Variants in MACF1 observed in about 807,000 individuals in gnomAD.
MACF1 encodes microtubule actin crosslinking factor 1.
Under a neutral mutation model 854.8 loss-of-function variants are expected in MACF1, and 193 were observed. The ratio of observed to expected loss-of-function variants is 0.23; its 90% CI spans 0.20 to 0.25. The LOEUF (loss-of-function observed/expected upper bound fraction) is 0.25, where lower values mean the gene tolerates loss of function less well. Among genes scored for constraint, MACF1 ranks in the 10% least tolerant of loss-of-function variants. MACF1 has a pLI of 1.00. For synonymous variants in MACF1, 3,185 were observed against 3,226.7 expected, an observed-to-expected ratio of 0.99 and a Z score of 0.44; for missense variants, 7,722 against 8,929.1, an observed-to-expected ratio of 0.86 and a Z score of 5.45.
intron 2 of MACF1, among the ~76,000 whole-genome samples, chr1:39,249,219 A>G (rs1054272697): frequency 6.6e-6 from 1 of 152,202 alleles, no homozygotes; most frequent in Non-Finnish European, 1.5e-5. Context: ...GATTAAATAA[A>G]TAGAATGAGA....
At chr1:39,448,887 C>A in intron 84 of MACF1, 124 bp downstream of exon 84, 2 of 605,004 alleles carry the variant, frequency 3.3e-6, no homozygotes, top group Non-Finnish European at 5.4e-6. Flanking sequence ...ATCTTAACAC[C>A]ACCAGTTAGT....
chr1:39,084,902 T>C lies in MACF1; in HGVS notation c.220+464T>C, dbSNP rs75028003. 0.018 allele frequency among the ~76,000 whole-genome samples: 2,753 copies of C among 152,316 alleles called. 94 individuals carry two copies. The highest frequency in any genetic ancestry group is 0.063 in the African/African-American group (2,609 of 41,560). ...ATATTAGACAATGCTGCTGAGAACA[T>C]GGTTAAGAATGATTTGACTTCTGTT... On this transcript the variant is annotated intron_variant, in intron 2 of 93. Coordinates refer to the MACF1 transcript ENST00000361689. This position sits in a 1 kb window ranked among gnomAD's most constrained non-coding sequence, Gnocchi z 5.2.
chr1:39,239,788 T>C (rs1435627149), intron 2 of MACF1, among the ~76,000 whole-genome samples: 1 of 152,212 alleles, frequency 6.6e-6, no homozygotes, highest in African/African-American at 2.4e-5. Context: ...TTCTTTCCAT[T>C]TTTGTATATG....
intron 2 of MACF1, among the ~76,000 whole-genome samples, chr1:39,176,804 A>G (rs952236768): frequency 6.6e-6 from 1 of 152,222 alleles, no homozygotes; most frequent in African/African-American, 2.4e-5. Flanking sequence ...GTTATTGACA[A>G]GCTTAAACCA....
chr1:39,462,238 T>A (rs1168370671), intron 93 of MACF1, among the ~76,000 whole-genome samples: 3 of 152,182 alleles, frequency 2.0e-5, no homozygotes, highest in Non-Finnish European at 4.4e-5. Flanking sequence ...TAGCTCAGGC[T>A]AGATGGATTA....
intron 58 of MACF1, chr1:39,411,953 A>G: frequency 2.5e-6 from 4 of 1,613,930 alleles, no homozygotes; most frequent in African/African-American, 1.3e-5. Flanking sequence ...ATCATGAGAG[A>G]CACTTCCACT....
chr1:39,246,859 C>T (rs1644987081), intron 2 of MACF1, among the ~76,000 whole-genome samples: 1 of 151,368 alleles, frequency 6.6e-6, no homozygotes, highest in African/African-American at 2.4e-5. Flanking sequence ...CTCATGAGAG[C>T]CAAGTGTTAA....
chr1:39,479,142 G>C (rs1471203740), intron 97 of MACF1, among the ~76,000 whole-genome samples: 1 of 152,044 alleles, frequency 6.6e-6, no homozygotes, highest in African/African-American at 2.4e-5. Context: ...CCTCCTACTT[G>C]CAGTTACTCC....
chr1:39,357,950 T>G (rs913240926), intron 45 of MACF1, 57 bp downstream of exon 45: 5 of 1,519,280 alleles, frequency 3.3e-6, no homozygotes, highest in Non-Finnish European at 4.4e-6. Context: ...CTTCACACAA[T>G]GTAGGTAGTG....
chr1:39,198,436 A>T (rs867085658), intron 2 of MACF1, among the ~76,000 whole-genome samples: 2 of 151,708 alleles, frequency 1.3e-5, no homozygotes, highest in African/African-American at 4.8e-5. Flanking sequence ...GTGGATCATG[A>T]GGTCAGGAGT....
In MACF1 at chr1:39,460,803, A is replaced by G. The variant is rs1179495975; in HGVS notation, c.21523+9A>G. ...TGGCATTTTAGCATCCAGTGAGTCT[A>G]GTCATCATTCCAAACATGGGTCACA... On this transcript the variant is annotated intron_variant, in intron 92 of 100. Transcript: ENST00000564288. The surrounding 1 kb of genome is among the most constrained non-coding windows in gnomAD (Gnocchi z 4.1). 14 of 1,613,848 alleles carry G rather than the reference A, an allele frequency of 8.7e-6. No homozygotes were observed. In the African/African-American group the frequency reaches 1.7e-4, roughly 20 times the overall value.
At chr1:39,165,406 G>A (rs1643872168) in intron 2 of MACF1, among the ~76,000 whole-genome samples, 1 of 152,132 alleles carries the variant, frequency 6.6e-6, no homozygotes, top group Non-Finnish European at 1.5e-5. Context: ...CTCCTTAATT[G>A]TATACTTTTT....
At chr1:39,432,477 G>A (rs1643890969) in intron 66 of MACF1, 58 bp from the exon 67 acceptor site, 7 of 1,549,988 alleles carry the variant, frequency 4.5e-6, no homozygotes, top group African/African-American at 2.7e-5. Flanking sequence ...ATAAATTGCA[G>A]TTATGTGGAG....
intron 21 of MACF1, among the ~76,000 whole-genome samples, chr1:39,299,496 G>A (rs954103460): frequency 6.6e-6 from 1 of 152,158 alleles, no homozygotes; most frequent in East Asian, 1.9e-4. Context: ...TTAACAAGAA[G>A]TTTATTCATT....
At chr1:39,274,782 A>G (rs1645401703) in intron 6 of MACF1, among the ~76,000 whole-genome samples, 7 of 152,232 alleles carry the variant, frequency 4.6e-5, no homozygotes, top group Admixed American at 4.6e-4. Flanking sequence ...ACAGGTTACT[A>G]AACTTCTCTG....
intron 2 of MACF1, among the ~76,000 whole-genome samples, chr1:39,152,392 A>C (rs938274384): frequency 1.3e-5 from 2 of 152,012 alleles, no homozygotes; most frequent in African/African-American, 4.8e-5. Context: ...TTCTTTTTTA[A>C]ACTCCATGGA....
chr1:39,294,150 C>G (rs893862718), intron 18 of MACF1, among the ~76,000 whole-genome samples: 1 of 152,194 alleles, frequency 6.6e-6, no homozygotes, highest in African/African-American at 2.4e-5. Context: ...TCTGGACTTT[C>G]CACAAATTTC....
chr1:39,120,530 A>G (rs1026429584), intron 2 of MACF1, among the ~76,000 whole-genome samples: 2 of 151,940 alleles, frequency 1.3e-5, no homozygotes, highest in Non-Finnish European at 2.9e-5. Context: ...ACACTTGGCT[A>G]ATTTGTGTAT....
intron 5 of MACF1, 76 bp from the exon 6 acceptor site, chr1:39,257,860 A>G (rs538011885): frequency 7.6e-6 from 8 of 1,059,152 alleles, no homozygotes; most frequent in South Asian, 5.2e-5. Flanking sequence ...CTGTAAATCA[A>G]TAATGAAGTG....
Sources: gnomAD v4.1 joint callset for allele counts (sites outside exome capture counted in the v4.1 genomes callset) on GRCh38, gnomAD v4.1.1 for gene constraint, Gnocchi (gnomAD v3.1) non-coding constraint, MANE v1.5 for transcripts, NCBI Gene and HGNC (gene_info 2026-07-23, HGNC 2026-07-21) for gene names.